STIM1: variants seen among roughly 807,000 people sequenced by gnomAD.
STIM1 encodes the protein stromal interaction molecule 1.
A neutral mutation model predicts 74.7 loss-of-function variants in STIM1; 25 were observed. The ratio of observed to expected loss-of-function variants is 0.33; its 90% CI spans 0.24 to 0.47. The LOEUF (loss-of-function observed/expected upper bound fraction) is 0.47. Ranked by LOEUF, STIM1 falls within the 20% of genes least tolerant of loss-of-function variation. The pLI, the probability that STIM1 is intolerant of heterozygous loss-of-function variation, is 1.00. For synonymous variants in STIM1, 328 were observed against 348.8 expected, an observed-to-expected ratio of 0.94 and a Z score of 0.66; for missense variants, 728 against 920.8, an observed-to-expected ratio of 0.79 and a Z score of 2.71.
intron 3 of STIM1, among the ~76,000 whole-genome samples, chr11:4,026,369 A>G (rs2093997745): frequency 6.6e-6 from 1 of 152,192 alleles, no homozygotes; most frequent in South Asian, 2.1e-4. Context: ...AAACTGAAAA[A>G]CTACTTTAAC....
chr11:3,885,384 G>A (rs777364184), intron 1 of STIM1, among the ~76,000 whole-genome samples: 3 of 151,840 alleles, frequency 2.0e-5, no homozygotes, highest in African/African-American at 2.4e-5. Context: ...ACAGGGTTTT[G>A]CCATGTTGCC....
At chr11:4,005,343 A>T (rs975689803) in intron 2 of STIM1, among the ~76,000 whole-genome samples, 1 of 152,204 alleles carries the variant, frequency 6.6e-6, no homozygotes, top group South Asian at 2.1e-4. Flanking sequence ...CAAATGTCCA[A>T]CAATGATAGA....
intron 1 of STIM1, among the ~76,000 whole-genome samples, chr11:3,942,255 G>A (rs1056444272): frequency 6.6e-6 from 1 of 152,184 alleles, no homozygotes; most frequent in Admixed American, 6.5e-5. Context: ...AATGAGCTGT[G>A]CAGAGAAGCA....
intron 3 of STIM1, among the ~76,000 whole-genome samples, chr11:4,035,559 T>C (rs935643317): frequency 6.6e-6 from 1 of 152,140 alleles, no homozygotes; most frequent in Admixed American, 6.5e-5. Context: ...CAAAATATTT[T>C]ATATTTCCTT....
intron 2 of STIM1, among the ~76,000 whole-genome samples, chr11:4,011,773 G>T (rs1003577880): frequency 8.5e-5 from 13 of 152,084 alleles, no homozygotes; most frequent in African/African-American, 3.1e-4. Context: ...ATTGCTTTTG[G>T]TGCTTTAGTC....
chr11:3,896,978 T>C (rs1197593526), intron 1 of STIM1, among the ~76,000 whole-genome samples: 1 of 152,226 alleles, frequency 6.6e-6, no homozygotes, highest in Non-Finnish European at 1.5e-5. Flanking sequence ...TAAGCTCTCA[T>C]TAAGTGTTAA....
chr11:4,022,363 A>G (rs564356057), intron 2 of STIM1, among the ~76,000 whole-genome samples: 1 of 147,094 alleles, frequency 6.8e-6, no homozygotes, highest in East Asian at 2.0e-4. Flanking sequence ...AAAAGAGAGA[A>G]GATCATGTTG....
At chr11:4,039,665 A>G (rs1360483671) in intron 3 of STIM1, among the ~76,000 whole-genome samples, 1 of 151,664 alleles carries the variant, frequency 6.6e-6, no homozygotes, top group African/African-American at 2.4e-5. Context: ...TGTTAGTCAG[A>G]TGTATTGAAA....
At chr11:3,887,264 C>T (rs932553024) in intron 1 of STIM1, among the ~76,000 whole-genome samples, 1 of 152,198 alleles carries the variant, frequency 6.6e-6, no homozygotes, top group African/African-American at 2.4e-5. Flanking sequence ...ATACTTCCTT[C>T]CCTGTTTCTG....
intron 1 of STIM1, among the ~76,000 whole-genome samples, chr11:3,895,616 T>TCTCTTTC (rs1565104503): frequency 1.1e-4 from 1 of 9,080 alleles, no homozygotes; most frequent in Non-Finnish European, 2.4e-4. Context: ...CTCTCTTTCT[T>TCTCTTTC]TCTTTCTTTC....
intron 2 of STIM1, 80 bp downstream of exon 2, chr11:3,967,762 C>A (rs1308971312): frequency 1.3e-6 from 2 of 1,593,856 alleles, no homozygotes; most frequent in African/African-American, 2.7e-5. Context: ...CAGCCTCTTC[C>A]CTGGGGAGAG....
At chr11:4,036,697 G>A (rs372909434) in intron 3 of STIM1, among the ~76,000 whole-genome samples, 3 of 152,064 alleles carry the variant, frequency 2.0e-5, no homozygotes, top group Non-Finnish European at 4.4e-5. Flanking sequence ...CTTTTTAATG[G>A]GGTTGTTTAT....
chr11:4,078,607 G>A (rs1446785985), intron 7 of STIM1, among the ~76,000 whole-genome samples: 7 of 148,026 alleles, frequency 4.7e-5, no homozygotes, highest in Admixed American at 1.4e-4. Flanking sequence ...CGCTCTTGTC[G>A]CCCAGGCTGG....
At chr11:3,987,894 C>T (rs1215803507) in intron 2 of STIM1, among the ~76,000 whole-genome samples, 1 of 151,924 alleles carries the variant, frequency 6.6e-6, no homozygotes, top group African/African-American at 2.4e-5. Context: ...CTAAATCCCC[C>T]CTCTTAGAGT....
Position 4,053,022 on chromosome 11 carries a change from C to T in STIM1, c.386-2504C>T, listed in dbSNP as rs148517662. 9.7e-3 allele frequency among the ~76,000 whole-genome samples: 1,477 copies of T among 152,266 alleles called. 14 individuals carry two copies. Among genetic ancestry groups the T allele is most frequent in the African/African-American group, 0.032 (1,339 of 41,544 alleles). On this transcript the variant is annotated intron_variant, in intron 3 of 12. Coordinates refer to ENST00000526596, the MANE Select transcript of STIM1 (RefSeq NM_001382567.1). ...CCATCAGAGAAATGCAAATCAAAAC[C>T]GCAATGAGATACCATCTCACACCAG...
chr11:3,892,849 G>A (rs1288767503), intron 1 of STIM1: 6 of 1,608,116 alleles, frequency 3.7e-6, no homozygotes, highest in Admixed American at 1.7e-5. Context: ...AGGGCTCGCT[G>A]TTGACAGCAA....
chr11:3,977,337 G>A (rs2093457968), intron 2 of STIM1, among the ~76,000 whole-genome samples: 1 of 152,226 alleles, frequency 6.6e-6, no homozygotes, highest in South Asian at 2.1e-4. Context: ...GTAGGTAGCA[G>A]TATGAATCCA....
chr11:4,075,157 A>G (rs2094430821), intron 7 of STIM1, among the ~76,000 whole-genome samples: 1 of 152,200 alleles, frequency 6.6e-6, no homozygotes, highest in African/African-American at 2.4e-5. Context: ...AAACAAAAAA[A>G]GAAAGAAAGA....
At chr11:4,055,251 C>T (rs1393904898) in intron 3 of STIM1, among the ~76,000 whole-genome samples, 2 of 152,196 alleles carry the variant, frequency 1.3e-5, no homozygotes, top group African/African-American at 2.4e-5. Context: ...TATCCATCAC[C>T]TTATAATGTT....
Sources: allele counts gnomAD v4.1 joint callset (sites outside exome capture counted in the v4.1 genomes callset), GRCh38; gene constraint gnomAD v4.1.1; transcripts MANE v1.5; gene names NCBI Gene and HGNC (gene_info 2026-07-23, HGNC 2026-07-21).